The following SACM1L variants were observed in gnomAD, a reference collection of about 807,000 sequenced individuals.
SACM1L encodes SAC1 like phosphatidylinositide phosphatase.
In SACM1L, 32 loss-of-function variants were observed where a neutral mutation model predicts 89.5. That is an observed-to-expected ratio of 0.36 (90% confidence interval 0.27 to 0.48). SACM1L has a LOEUF of 0.48. Ranked by LOEUF, SACM1L falls within the 20% of genes least tolerant of loss-of-function variation. The probability of loss-of-function intolerance (pLI) is 0.99; values close to 1 mark genes in which losing one functional copy is unlikely to be tolerated. For missense variants in SACM1L, 543 were observed against 708.5 expected, an observed-to-expected ratio of 0.77 and a Z score of 2.65; for synonymous variants, 213 against 232.8, an observed-to-expected ratio of 0.92 and a Z score of 0.77.
chr3:45,710,062 G>A (rs1698487665), intron 5 of SACM1L, among the ~76,000 whole-genome samples: 2 of 152,126 alleles, frequency 1.3e-5, no homozygotes, highest in Admixed American at 6.5e-5. Flanking sequence ...CATTAGCAGT[G>A]TAATTAGGCT....
chr3:45,717,715 C>A (rs1028083102), intron 7 of SACM1L, among the ~76,000 whole-genome samples: 1 of 152,156 alleles, frequency 6.6e-6, no homozygotes, highest in Admixed American at 6.5e-5. Context: ...TTCTGTCATA[C>A]CCCCCTGCTC....
At chr3:45,696,220 A>G (rs1488384276) in intron 1 of SACM1L, among the ~76,000 whole-genome samples, 1 of 152,080 alleles carries the variant, frequency 6.6e-6, no homozygotes, top group Non-Finnish European at 1.5e-5. Flanking sequence ...GATGGTCTCC[A>G]TCTCCTGACC....
intron 3 of SACM1L, 87 bp from the exon 4 acceptor site, chr3:45,706,693 C>A (rs2125687980): frequency 8.8e-7 from 1 of 1,134,172 alleles, no homozygotes; most frequent in East Asian, 2.4e-5. Flanking sequence ...ATTCTACTAG[C>A]CTTTAAAGTT....
At chr3:45,700,511 G>A (rs1282728781) in intron 1 of SACM1L, among the ~76,000 whole-genome samples, 1 of 152,148 alleles carries the variant, frequency 6.6e-6, no homozygotes, top group African/African-American at 2.4e-5. Context: ...AAAGACGGTG[G>A]AAGGGTAAAA....
At chr3:45,708,877 C>A (rs1698458282) in intron 4 of SACM1L, among the ~76,000 whole-genome samples, 1 of 152,116 alleles carries the variant, frequency 6.6e-6, no homozygotes, top group Non-Finnish European at 1.5e-5. Context: ...AAACAAATGT[C>A]AATCTTAGTA....
chr3:45,691,843 T>G (rs2125678304), intron 1 of SACM1L, among the ~76,000 whole-genome samples: 1 of 152,350 alleles, frequency 6.6e-6, no homozygotes, highest in South Asian at 2.1e-4. Context: ...AGCCCATCTC[T>G]GCCTTGTTGA....
chr3:45,725,571 T>G lies in SACM1L; in HGVS notation c.921+2028T>G, dbSNP rs187913086. ...TGATTTTTGTATGCTCCAACTTTGT[T>G]GAATTTCTTATCTCCAATTGATATT... is the stretch of plus-strand genomic sequence containing the variant. On this transcript the variant is annotated intron_variant, in intron 11 of 19. Transcript: ENST00000389061. Among the ~76,000 whole-genome samples the G allele has an allele frequency of 2.7e-3, 407 of 152,238 alleles. 3 individuals are homozygous for G. The highest frequency in any genetic ancestry group is 3.4e-3 in the Middle Eastern group (1 of 294).
At chr3:45,697,678 T>C (rs1422255320) in intron 1 of SACM1L, among the ~76,000 whole-genome samples, 1 of 152,252 alleles carries the variant, frequency 6.6e-6, no homozygotes, top group Non-Finnish European at 1.5e-5. Context: ...ACAAGTATTA[T>C]GCTATTTTGA....
Position 45,738,695 on chromosome 3 carries a change from C to G in SACM1L, c.1476+24C>G, listed in dbSNP as rs375046384. ...AAGTAAGTTTGTATTTGATGCTTTC[C>G]TGGCATTACGTGGTTGTATCTTTGC... On this transcript the variant is annotated intron_variant, in intron 17 of 19. Coordinates refer to ENST00000389061, the MANE Select transcript of SACM1L (RefSeq NM_014016.5). 1.8e-5 allele frequency: 28 copies of G among 1,554,240 alleles called. No homozygotes were observed. In the African/African-American group the frequency reaches 3.0e-4, roughly 17 times the overall value.
chr3:45,733,601 G>C (rs1475144732), intron 13 of SACM1L, among the ~76,000 whole-genome samples: 1 of 152,044 alleles, frequency 6.6e-6, no homozygotes, highest in Non-Finnish European at 1.5e-5. Flanking sequence ...TGTTCCTGAG[G>C]TCATGATTTG....
chr3:45,709,741 C>A, intron 5 of SACM1L, 94 bp downstream of exon 5: 2 of 1,130,596 alleles, frequency 1.8e-6, no homozygotes, highest in Non-Finnish European at 2.5e-6. Context: ...TTTTCTCAGT[C>A]CTGGCTATCT....
Position 45,738,861 on chromosome 3 carries a change from G to C in SACM1L, c.1557G>C (p.Trp519Cys). The C allele has an allele frequency of 3.7e-6, 6 of 1,600,760 alleles. No homozygotes were observed. In the South Asian group the frequency reaches 6.7e-5, roughly 18 times the overall value. ...SHSPLSVPRD[W>C]KFLALPIIMV... Reference sequence around the variant, plus strand: ...GTCCTTTAAGTGTTCCAAGGGACTGGAAATTCCTGGCTGTAAGAAACCATT... The same window carrying C: ...GTCCTTTAAGTGTTCCAAGGGACTGCAAATTCCTGGCTGTAAGAAACCATT... The change falls in exon 18 of 20, where the codon TGG becomes TGC. Residue 519 changes from tryptophan (W) to cysteine (C), a missense_variant. By Grantham distance (215) the Trp-to-Cys change is radical (BLOSUM62 -2). Transcript: ENST00000389061.
chr3:45,689,531 C>G (rs369162043), intron 1 of SACM1L, 34 bp downstream of exon 1: 2 of 1,552,938 alleles, frequency 1.3e-6, no homozygotes, highest in Non-Finnish European at 1.7e-6. Context: ...TGAGGCGCGG[C>G]GGGCGGGGCG....
At chr3:45,711,375 C>T (rs1470540084) in intron 5 of SACM1L, among the ~76,000 whole-genome samples, 1 of 151,964 alleles carries the variant, frequency 6.6e-6, no homozygotes, top group African/African-American at 2.4e-5. Context: ...GCCTGTAATC[C>T]CAACACTTTA....
rs1205257408 is a variant in SACM1L at position 45,743,600 on chromosome 3, T to A, written c.1695T>A (p.Phe565Leu). 1 of 1,614,194 alleles carries A rather than the reference T, an allele frequency of 6.2e-7. No homozygotes were observed. The highest frequency in any genetic ancestry group is 1.1e-5 in the South Asian group (1 of 91,080). Residue 565 changes from phenylalanine to leucine, a missense_variant, in exon 20 of 20, where the codon TTT becomes TTA. Transcript: ENST00000389061. ...FWGVASIGTFFIILYNGKDFV... is the reference protein window; with the variant it reads ...FWGVASIGTFLIILYNGKDFV... ...GAGTTGCAAGCATTGGAACATTTTT[T>A]ATCATTCTTTACAATGGCAAAGATT...
At chr3:45,716,733 G>A (rs879318622) in intron 7 of SACM1L, among the ~76,000 whole-genome samples, 5 of 152,106 alleles carry the variant, frequency 3.3e-5, no homozygotes, top group Non-Finnish European at 5.9e-5. Flanking sequence ...AATGTTGCAT[G>A]TTGAGGGGAG....
intron 3 of SACM1L, among the ~76,000 whole-genome samples, chr3:45,706,377 A>G (rs1698394672): frequency 1.3e-5 from 2 of 152,196 alleles, no homozygotes; most frequent in Non-Finnish European, 2.9e-5. Flanking sequence ...GTGGTGTGGA[A>G]GGGACATTGC....
chr3:45,734,917 C>A (rs764117275), intron 13 of SACM1L: 1 of 216,244 alleles, frequency 4.6e-6, no homozygotes, highest in Non-Finnish European at 9.1e-6. Flanking sequence ...TTAGAGGAAA[C>A]CCTCATCTGG....
At chr3:45,701,926 A>G (rs1231058920) in intron 1 of SACM1L, among the ~76,000 whole-genome samples, 1 of 152,232 alleles carries the variant, frequency 6.6e-6, no homozygotes, top group Non-Finnish European at 1.5e-5. Context: ...ACCCAAAACC[A>G]AAGTTACCAA....
Sources: gnomAD v4.1 joint callset for allele counts (sites outside exome capture counted in the v4.1 genomes callset) on GRCh38, gnomAD v4.1.1 for gene constraint, MANE v1.5 for transcripts, NCBI Gene and HGNC (gene_info 2026-07-23, HGNC 2026-07-21) for gene names.